ELMO1: variants seen among roughly 807,000 people sequenced by gnomAD.
The protein encoded by ELMO1 is engulfment and cell motility 1.
A neutral mutation model predicts 98.9 loss-of-function variants in ELMO1; 26 were observed. That is an observed-to-expected ratio of 0.26 (90% CI 0.19 to 0.36). The LOEUF (loss-of-function observed/expected upper bound fraction) is 0.36, where lower values mean the gene tolerates loss of function less well. ELMO1 is among the 10% of genes least tolerant of loss of function. ELMO1 has a pLI of 1.00. For missense variants in ELMO1, 627 were observed against 935.2 expected (o/e 0.67, Z 4.30); for synonymous variants, 346 against 346.0 (o/e 1.00, Z 0.00).
At chr7:37,269,255 C>T (rs1796429624) in intron 5 of ELMO1, among the ~76,000 whole-genome samples, 1 of 152,172 alleles carries the variant, frequency 6.6e-6, no homozygotes, top group South Asian at 2.1e-4. Context: ...TACAGCCAAA[C>T]CACAAGGTGA....
At chr7:37,316,940 T>C (rs1395952693) in intron 2 of ELMO1, among the ~76,000 whole-genome samples, 1 of 152,030 alleles carries the variant, frequency 6.6e-6, no homozygotes, top group East Asian at 1.9e-4. Flanking sequence ...TCCAGCTCTA[T>C]CAGCTTGTTT....
intron 15 of ELMO1, among the ~76,000 whole-genome samples, chr7:37,093,781 C>T (rs56889684): frequency 0.22 from 32,805 of 152,154 alleles, 6,209 homozygotes; most frequent in African/African-American, 0.51. Flanking sequence ...AACAACTCAT[C>T]TGGGCATGTA....
intron 4 of ELMO1, among the ~76,000 whole-genome samples, chr7:37,302,072 G>A (rs1452344132): frequency 3.3e-5 from 5 of 152,304 alleles, no homozygotes; most frequent in Admixed American, 6.5e-5. Flanking sequence ...AAGAAATGAT[G>A]GGTGGTTTAA....
intron 4 of ELMO1, among the ~76,000 whole-genome samples, chr7:37,287,522 T>C (rs1797456775): frequency 6.6e-6 from 1 of 152,218 alleles, no homozygotes; most frequent in Non-Finnish European, 1.5e-5. Flanking sequence ...TAGAGATAAC[T>C]GTGATAAACA....
chr7:37,123,469 C>T (rs1240620624), intron 14 of ELMO1, among the ~76,000 whole-genome samples: 2 of 152,126 alleles, frequency 1.3e-5, no homozygotes, highest in African/African-American at 2.4e-5. Flanking sequence ...CCACCAATCC[C>T]ACAGAAATAC....
At chr7:36,857,011 T>C (rs1802245796) in intron 21 of ELMO1, among the ~76,000 whole-genome samples, 2 of 152,148 alleles carry the variant, frequency 1.3e-5, no homozygotes, top group South Asian at 4.1e-4. Context: ...GCAAGCACTA[T>C]ATAAATCTCC....
rs1033153786 is a variant in ELMO1 at position 37,427,983 on chromosome 7, C to A, written c.-74+20692G>T. 3.3e-5 allele frequency among the ~76,000 whole-genome samples: 5 copies of A among 151,920 alleles called. No homozygotes were observed. In the East Asian group the frequency reaches 7.7e-4, roughly 24 times the overall value. On this transcript the variant is annotated intron_variant, in intron 1 of 21. Transcript: ENST00000310758. ...AAAAATAAGTTATCCCCATAGATAC[C>A]CCAAAGGCATTTTATCTTTTTATCT...
At chr7:37,375,648 C>T in intron 1 of ELMO1, 1 of 1,211,862 alleles carries the variant, frequency 8.3e-7, no homozygotes, top group Admixed American at 1.7e-5. Context: ...ATGTGCCCAA[C>T]CTTCAGGTCA....
At chr7:37,308,060 C>A (rs1366124567) in intron 4 of ELMO1, among the ~76,000 whole-genome samples, 2 of 152,094 alleles carry the variant, frequency 1.3e-5, no homozygotes, top group Non-Finnish European at 2.9e-5. Context: ...TTGCAGTGAG[C>A]CAAGATTGCG....
intron 14 of ELMO1, among the ~76,000 whole-genome samples, chr7:37,101,914 C>G (rs193171677): frequency 3.4e-4 from 52 of 152,258 alleles, no homozygotes; most frequent in African/African-American, 1.2e-3. Context: ...CAAACTAAAG[C>G]GTTCCAGCCA....
intron 1 of ELMO1, among the ~76,000 whole-genome samples, chr7:37,412,835 G>A (rs1366671375): frequency 6.6e-6 from 1 of 152,124 alleles, no homozygotes; most frequent in Non-Finnish European, 1.5e-5. Context: ...CACTCAAGCA[G>A]CCCTAAGAGA....
chr7:36,955,558 A>G (rs1477131614), intron 16 of ELMO1, among the ~76,000 whole-genome samples: 1 of 152,216 alleles, frequency 6.6e-6, no homozygotes, highest in Non-Finnish European at 1.5e-5. Flanking sequence ...GTAAGTATCA[A>G]ATAAATATGA....
At chr7:37,193,670 A>C (rs903138339) in intron 13 of ELMO1, among the ~76,000 whole-genome samples, 2 of 152,180 alleles carry the variant, frequency 1.3e-5, no homozygotes, top group African/African-American at 2.4e-5. Context: ...GAAACGGCGA[A>C]AATAGGACTG....
intron 1 of ELMO1, among the ~76,000 whole-genome samples, chr7:37,366,775 G>A (rs1242368932): frequency 1.3e-5 from 2 of 152,128 alleles, no homozygotes; most frequent in East Asian, 1.9e-4. Context: ...CTCCTCTAAC[G>A]GAGAAAGAGA....
chr7:37,033,433 T>C (rs1488937703), intron 15 of ELMO1: 2 of 456,106 alleles, frequency 4.4e-6, no homozygotes, highest in South Asian at 3.1e-5. Context: ...AAAGCTTTAT[T>C]ATCATAAATG....
At chr7:37,185,601 G>A (rs1791151878) in intron 13 of ELMO1, among the ~76,000 whole-genome samples, 1 of 152,104 alleles carries the variant, frequency 6.6e-6, no homozygotes. Context: ...CATAACCCTA[G>A]ATGTGACTGA....
chr7:37,146,941 C>T (rs1311224042), intron 13 of ELMO1, among the ~76,000 whole-genome samples: 2 of 152,150 alleles, frequency 1.3e-5, no homozygotes, highest in Non-Finnish European at 2.9e-5. Context: ...GAGGTCAGAA[C>T]TTGCAACTTG....
chr7:37,393,613 G>C (rs565550964), intron 1 of ELMO1, among the ~76,000 whole-genome samples: 1 of 152,206 alleles, frequency 6.6e-6, no homozygotes, highest in South Asian at 2.1e-4. Flanking sequence ...CCTCAATTTG[G>C]GTTTGTCTGG....
chr7:37,167,205 A>G (rs1023758092), intron 13 of ELMO1, among the ~76,000 whole-genome samples: 1 of 151,584 alleles, frequency 6.6e-6, no homozygotes, highest in African/African-American at 2.4e-5. Context: ...ATCTTCCTCC[A>G]TCCCTTTATT....
Sources: allele counts gnomAD v4.1 joint callset (sites outside exome capture counted in the v4.1 genomes callset), GRCh38; gene constraint gnomAD v4.1.1; transcripts MANE v1.5; gene names NCBI Gene and HGNC (gene_info 2026-07-23, HGNC 2026-07-21).